Variants in ZNRF2 observed in about 807,000 individuals in gnomAD.
ZNRF2 encodes E3 ubiquitin-protein ligase ZNRF2.
In ZNRF2, 16 loss-of-function variants were observed where a neutral mutation model predicts 20.4. That is an observed-to-expected ratio of 0.79 (90% CI 0.53 to 1.19). The LOEUF (loss-of-function observed/expected upper bound fraction) is 1.19, where lower values mean the gene tolerates loss of function less well. Ranked by LOEUF, ZNRF2 falls within the 50% of genes most tolerant of loss-of-function variation. ZNRF2 has a pLI of 0.00. For synonymous variants in ZNRF2, 178 were observed against 144.9 expected (o/e 1.23, Z -1.64); for missense variants, 363 against 332.4 (o/e 1.09, Z -0.72).
chr7:30,294,156 T>C (rs1798965908), intron 1 of ZNRF2, among the ~76,000 whole-genome samples: 2 of 152,162 alleles, frequency 1.3e-5, no homozygotes, highest in African/African-American at 2.4e-5. Flanking sequence ...TTTCTACTGT[T>C]ACCTCTATTC....
chr7:30,346,549 A>G (rs546717264), intron 2 of ZNRF2, among the ~76,000 whole-genome samples: 1 of 150,900 alleles, frequency 6.6e-6, no homozygotes, highest in Non-Finnish European at 1.5e-5. Context: ...TTGTCTCACT[A>G]TTTTTTTTTA....
chr7:30,310,489 A>C (rs1026811319), intron 1 of ZNRF2, among the ~76,000 whole-genome samples: 25 of 152,182 alleles, frequency 1.6e-4, no homozygotes, highest in African/African-American at 5.1e-4. Context: ...AGTTTGGGTA[A>C]GCCATAGAGA....
intron 2 of ZNRF2, among the ~76,000 whole-genome samples, chr7:30,328,804 C>G (rs1055206790): frequency 6.6e-6 from 1 of 152,058 alleles, no homozygotes; most frequent in African/African-American, 2.4e-5. Flanking sequence ...GGCAGAGATC[C>G]CAATGGGACG....
At chr7:30,339,741 CTA>C (rs1799767676) in intron 2 of ZNRF2, among the ~76,000 whole-genome samples, 1 of 152,038 alleles carries the variant, frequency 6.6e-6, no homozygotes, top group Non-Finnish European at 1.5e-5. Context: ...TGTCTTGGCT[CTA>C]TGGGCTCTTT....
At position 30,285,249 on chromosome 7, in the gene ZNRF2, C is replaced by T. The variant is rs546957294; in HGVS notation, c.-109C>T. ...GGCGGCCCTGGACGTGCGGGGGCCT[C>T]TCTGGGCCGGCCGCGGCGCCTGGGC... On this transcript the variant is annotated 5_prime_UTR_variant, in exon 1 of 5. Transcript: ENST00000323037. 9 of 840,536 alleles carry T rather than the reference C, an allele frequency of 1.1e-5. No homozygotes were observed. In the South Asian group the frequency reaches 3.4e-4, roughly 32 times the overall value. The allele number at this position is 840,536 out of a possible 1,614,324, so 52.1% of individuals were successfully genotyped here.
At chr7:30,346,143 A>C (rs888977527) in intron 2 of ZNRF2, among the ~76,000 whole-genome samples, 22 of 55,032 alleles carry the variant, frequency 4.0e-4, no homozygotes, top group African/African-American at 1.1e-3. Flanking sequence ...TTTTAATTTC[A>C]GTGTTTTTTT....
intron 1 of ZNRF2, among the ~76,000 whole-genome samples, chr7:30,321,140 C>T (rs116077713): frequency 1.3e-3 from 199 of 152,198 alleles, no homozygotes; most frequent in African/African-American, 4.5e-3. Flanking sequence ...GTTGTTTTCC[C>T]CACAGTAAAT....
In ZNRF2 at chr7:30,285,354, G is replaced by T; in HGVS notation, c.-4G>T. On this transcript the variant is annotated 5_prime_UTR_variant, in exon 1 of 5. Transcript: ENST00000323037. ...GCGCGGGCCCGGCCCGGGGCAGGGC[G>T]GACATGGGCGCCAAACAGAGCGGCC... 8.5e-7 allele frequency: 1 copy of T among 1,170,536 alleles called. No homozygotes were observed. 72.5% of individuals were successfully genotyped at this position (1,170,536 alleles called of 1,614,324 possible). A position where few individuals can be genotyped will look rare whatever the true frequency, so the allele number is the denominator to read the frequency against.
intron 4 of ZNRF2, among the ~76,000 whole-genome samples, chr7:30,365,610 T>C (rs1800201003): frequency 6.6e-6 from 1 of 152,188 alleles, no homozygotes; most frequent in Admixed American, 6.5e-5. Context: ...ATTAAAGGTA[T>C]ATGGGTTTGA....
At position 30,285,564 on chromosome 7, in the gene ZNRF2, G is replaced by A; in HGVS notation, c.207G>A (p.Ala69=). 2 of 978,410 alleles carry A rather than the reference G, an allele frequency of 2.0e-6. No individual in the cohort carries two copies. Among genetic ancestry groups the A allele is most frequent in the South Asian group, 9.2e-5 (2 of 21,850 alleles). The allele number at this position is 978,410 out of a possible 1,614,324, so 60.6% of individuals were successfully genotyped here. The part of the protein sequence containing the change: ...PSASGGAAAA[A]AAPAAPAAPR... ...CCTCCGGCGGCGCCGCGGCGGCCGC[G>A]GCGGCCCCGGCAGCCCCGGCGGCCC... Residue 69 remains alanine (A), a synonymous_variant, in exon 1 of 5, where the codon GCG becomes GCA. Transcript: ENST00000323037.
intron 2 of ZNRF2, among the ~76,000 whole-genome samples, chr7:30,332,519 C>T (rs975599822): frequency 1.3e-5 from 2 of 152,078 alleles, no homozygotes; most frequent in Non-Finnish European, 2.9e-5. Context: ...CCCTTGTCCC[C>T]CTCCCTCTCT....
At chr7:30,293,319 G>A (rs974715210) in intron 1 of ZNRF2, among the ~76,000 whole-genome samples, 21 of 151,124 alleles carry the variant, frequency 1.4e-4, no homozygotes, top group African/African-American at 5.1e-4. Context: ...TGCGATCTTG[G>A]CTCACTGCAA....
Position 30,300,535 on chromosome 7 carries a change from A to G in ZNRF2, c.469+14709A>G, listed in dbSNP as rs986191318. Among the ~76,000 whole-genome samples, 8 of 152,362 alleles carry G rather than the reference A, an allele frequency of 5.3e-5. No individual in the cohort carries two copies. In the East Asian group the frequency reaches 1.5e-3, roughly 29 times the overall value. On this transcript the variant is annotated intron_variant, in intron 1 of 4. Transcript: ENST00000323037. The stretch of plus-strand genomic sequence containing the variant: ...TAAAAGATAGACTTAATTAGAATCT[A>G]ACACTTCCTGTTTTATCTATTCTTT...
chr7:30,311,343 A>G (rs1007004973), intron 1 of ZNRF2, among the ~76,000 whole-genome samples: 25 of 152,238 alleles, frequency 1.6e-4, no homozygotes, highest in African/African-American at 5.1e-4. Context: ...CTAAAGAGTC[A>G]TAAATGCTTA....
Position 30,364,375 on chromosome 7 carries a change from T to A in ZNRF2, c.*23-1660T>A, listed in dbSNP as rs543954443. ...ATCATGCCTTGACACATTTAAAATA[T>A]GAATTGAGGCTGAACACTAATTGCT... is the stretch of plus-strand genomic sequence containing the variant. On this transcript the variant is annotated intron_variant, in intron 4 of 4. Coordinates refer to ENST00000323037, the MANE Select transcript of ZNRF2 (RefSeq NM_147128.4). Among the ~76,000 whole-genome samples the A allele has an allele frequency of 2.6e-5, 4 of 152,302 alleles. No individual in the cohort carries two copies. In the East Asian group the frequency reaches 7.7e-4, roughly 29 times the overall value.
intron 2 of ZNRF2, among the ~76,000 whole-genome samples, chr7:30,343,160 G>C (rs1304043336): frequency 6.6e-6 from 1 of 151,936 alleles, no homozygotes; most frequent in Non-Finnish European, 1.5e-5. Context: ...TTAAAAAATA[G>C]GAAAGTCAAC....
chr7:30,293,478 G>A (rs1798949945), intron 1 of ZNRF2, among the ~76,000 whole-genome samples: 1 of 152,086 alleles, frequency 6.6e-6, no homozygotes, highest in South Asian at 2.1e-4. Flanking sequence ...TGAGCTCTTG[G>A]CCTCAAGTGA....
At chr7:30,302,147 TCTTA>T (rs1485310070) in intron 1 of ZNRF2, among the ~76,000 whole-genome samples, 14 of 152,214 alleles carry the variant, frequency 9.2e-5, no homozygotes, top group Non-Finnish European at 1.6e-4. Context: ...TTTAAAGAGC[TCTTA>T]CTTTTTAAAA....
intron 2 of ZNRF2, among the ~76,000 whole-genome samples, chr7:30,351,036 G>A (rs1260165746): frequency 6.9e-6 from 1 of 145,594 alleles, no homozygotes; most frequent in Admixed American, 6.8e-5. Flanking sequence ...TTGGCTGTTT[G>A]CTTTTTTTTT....
Sources: allele counts gnomAD v4.1 joint callset (sites outside exome capture counted in the v4.1 genomes callset), GRCh38; gene constraint gnomAD v4.1.1; transcripts MANE v1.5; gene names NCBI Gene and HGNC (gene_info 2026-07-23, HGNC 2026-07-21).